The following SGCZ variants were observed in gnomAD, a reference collection of about 807,000 sequenced individuals.
The protein encoded by SGCZ is zeta-sarcoglycan.
Under a neutral mutation model 41.3 loss-of-function variants are expected in SGCZ, and 40 were observed. The ratio of observed to expected loss-of-function variants is 0.97; its 90% CI spans 0.75 to 1.26. The LOEUF is 1.26. Ranked by LOEUF, SGCZ falls within the 50% of genes most tolerant of loss-of-function variation. The probability of loss-of-function intolerance (pLI) is 0.00; values close to 1 mark genes in which losing one functional copy is unlikely to be tolerated. For missense variants in SGCZ, 552 were observed against 369.8 expected (o/e 1.49, Z -4.04); for synonymous variants, 206 against 137.5 (o/e 1.50, Z -3.49).
At chr8:14,486,729 T>TA (rs1474231896) in intron 2 of SGCZ, among the ~76,000 whole-genome samples, 1 of 152,160 alleles carries the variant, frequency 6.6e-6, no homozygotes, top group African/African-American at 2.4e-5. Context: ...TGCCTCACCA[T>TA]ACCCAGCTAA....
At chr8:14,757,238 G>A (rs1216153783) in intron 1 of SGCZ, among the ~76,000 whole-genome samples, 1 of 152,102 alleles carries the variant, frequency 6.6e-6, no homozygotes, top group Non-Finnish European at 1.5e-5. Context: ...TAGTAGAGAT[G>A]GGGTTTCACT....
At chr8:15,073,702 C>T (rs1020030597) in intron 1 of SGCZ, among the ~76,000 whole-genome samples, 1 of 152,186 alleles carries the variant, frequency 6.6e-6, no homozygotes, top group Non-Finnish European at 1.5e-5. Flanking sequence ...TCTGCCTGAG[C>T]TTCCAGCCTT....
chr8:14,762,793 G>C (rs1487751099), intron 1 of SGCZ, among the ~76,000 whole-genome samples: 2 of 152,228 alleles, frequency 1.3e-5, no homozygotes, highest in African/African-American at 2.4e-5. Flanking sequence ...AAGAAGTATT[G>C]GGCAAGCAAA....
intron 1 of SGCZ, among the ~76,000 whole-genome samples, chr8:14,853,920 ACACACC>A (rs1803442687): frequency 6.6e-6 from 1 of 151,206 alleles, no homozygotes; most frequent in African/African-American, 2.4e-5. Context: ...AATACAAAAT[ACACACC>A]TTTCAAGGAT....
chr8:14,342,195 T>C (rs1037607124), intron 2 of SGCZ, among the ~76,000 whole-genome samples: 2 of 152,214 alleles, frequency 1.3e-5, no homozygotes, highest in African/African-American at 4.8e-5. Context: ...TGTTGGGAAC[T>C]GGAGCAAAGC....
At chr8:14,722,057 T>G (rs1031028948) in intron 1 of SGCZ, among the ~76,000 whole-genome samples, 1 of 152,210 alleles carries the variant, frequency 6.6e-6, no homozygotes, top group African/African-American at 2.4e-5. Context: ...TAGTGTTCCC[T>G]GGTCAAACTA....
chr8:14,682,547 G>T (rs562684950), intron 1 of SGCZ, among the ~76,000 whole-genome samples: 3 of 151,114 alleles, frequency 2.0e-5, no homozygotes, highest in African/African-American at 7.3e-5. Flanking sequence ...CCATCCTCCT[G>T]CCTCAGCCTC....
intron 2 of SGCZ, among the ~76,000 whole-genome samples, chr8:14,397,601 A>G (rs77493743): frequency 0.052 from 7,918 of 152,178 alleles, 305 homozygotes; most frequent in Middle Eastern, 0.12. Flanking sequence ...TATTCTCACA[A>G]ATAAAGCATA....
intron 1 of SGCZ, among the ~76,000 whole-genome samples, chr8:14,847,880 A>G (rs189534736): frequency 6.6e-6 from 1 of 151,882 alleles, no homozygotes. Flanking sequence ...TCAACATTGT[A>G]CTTGAGGTAC....
intron 7 of SGCZ, among the ~76,000 whole-genome samples, chr8:14,093,099 T>G (rs1801738562): frequency 6.6e-6 from 1 of 152,112 alleles, no homozygotes; most frequent in Non-Finnish European, 1.5e-5. Flanking sequence ...TCTCTCCAGC[T>G]GTTTCTTGTT....
At chr8:14,736,245 A>T (rs1241755836) in intron 1 of SGCZ, among the ~76,000 whole-genome samples, 1 of 152,006 alleles carries the variant, frequency 6.6e-6, no homozygotes, top group Non-Finnish European at 1.5e-5. Flanking sequence ...AAATCTCATA[A>T]ATCTTAGAGC....
intron 1 of SGCZ, among the ~76,000 whole-genome samples, chr8:15,236,052 AAC>A (rs1802108254): frequency 6.6e-6 from 1 of 152,164 alleles, no homozygotes; most frequent in Non-Finnish European, 1.5e-5. Context: ...TCTTGGCAAA[AAC>A]ACAGAAACTT....
chr8:14,766,978 T>C (rs937125746), intron 1 of SGCZ, among the ~76,000 whole-genome samples: 2 of 152,176 alleles, frequency 1.3e-5, no homozygotes, highest in African/African-American at 4.8e-5. Context: ...TTGAAAAACA[T>C]ATAAATTCTT....
At chr8:14,463,873 G>A (rs1290337316) in intron 2 of SGCZ, among the ~76,000 whole-genome samples, 2 of 147,384 alleles carry the variant, frequency 1.4e-5, no homozygotes, top group Non-Finnish European at 3.0e-5. Flanking sequence ...CATCAGTTGA[G>A]ATGATCATGT....
At chr8:14,263,700 T>A (rs1392944457) in intron 3 of SGCZ, among the ~76,000 whole-genome samples, 1 of 152,128 alleles carries the variant, frequency 6.6e-6, no homozygotes, top group East Asian at 1.9e-4. Context: ...AGTGCCAAGG[T>A]ACCCTCACAA....
intron 1 of SGCZ, among the ~76,000 whole-genome samples, chr8:15,220,393 T>C (rs912791625): frequency 1.3e-5 from 2 of 152,118 alleles, no homozygotes; most frequent in African/African-American, 4.8e-5. Context: ...AATGGCTCAC[T>C]GGAATGAAAA....
chr8:15,230,541 AGAATGAAAG>A (rs1334587160), intron 1 of SGCZ, among the ~76,000 whole-genome samples: 1 of 152,262 alleles, frequency 6.6e-6, no homozygotes. Context: ...AATTATTTGC[AGAATGAAAG>A]GAACTATATA....
chr8:14,612,489 A>G (rs1805961721), intron 1 of SGCZ, among the ~76,000 whole-genome samples: 1 of 152,196 alleles, frequency 6.6e-6, no homozygotes, highest in Admixed American at 6.5e-5. Flanking sequence ...GACTCAGGGA[A>G]GTTCTTTATA....
chr8:14,409,311 G>A (rs978377861), intron 2 of SGCZ, among the ~76,000 whole-genome samples: 1 of 151,896 alleles, frequency 6.6e-6, no homozygotes, highest in African/African-American at 2.4e-5. Flanking sequence ...ATAGGAGGGG[G>A]CCTCTTATTC....
Sources: gnomAD v4.1 joint callset for allele counts (sites outside exome capture counted in the v4.1 genomes callset) on GRCh38, gnomAD v4.1.1 for gene constraint, MANE v1.5 for transcripts, NCBI Gene and HGNC (gene_info 2026-07-23, HGNC 2026-07-21) for gene names.